The following SLC25A21 variants were observed in gnomAD, a reference collection of about 807,000 sequenced individuals.
The protein encoded by SLC25A21 is mitochondrial 2-oxodicarboxylate carrier.
SLC25A21 carries 47 observed loss-of-function variants against 43.8 expected under a neutral mutation model. The ratio of observed to expected loss-of-function variants is 1.07; its 90% CI spans 0.85 to 1.37. SLC25A21 has a LOEUF of 1.37. Among genes scored for constraint, SLC25A21 ranks in the 40% most tolerant of loss-of-function variants. The pLI, the probability that SLC25A21 is intolerant of heterozygous loss-of-function variation, is 0.00. For synonymous variants in SLC25A21, 131 were observed against 121.3 expected, an observed-to-expected ratio of 1.08 and a Z score of -0.52; for missense variants, 352 against 350.2, an observed-to-expected ratio of 1.00 and a Z score of -0.04.
rs11851700 is a variant in SLC25A21 at position 36,789,916 on chromosome 14, T to C, written c.203+24002A>G. 2.4e-5 allele frequency among the ~76,000 whole-genome samples: 3 copies of C among 123,404 alleles called. No individual in the cohort carries two copies. The East Asian group carries it at 6.2e-4, about 26-fold the overall frequency. The allele number at this position is 123,404 out of a possible 152,430, so 81.0% of individuals were successfully genotyped here. On this transcript the variant is annotated intron_variant, in intron 3 of 9. Transcript: ENST00000331299. ...ATATATTATATATATTTATATATAT[T>C]ATATATTTATATATTATATATAAAT...
chr14:37,006,649 GAACAC>G (rs1960610985), intron 1 of SLC25A21, among the ~76,000 whole-genome samples: 2 of 121,052 alleles, frequency 1.7e-5, no homozygotes, highest in Non-Finnish European at 3.6e-5. Flanking sequence ...CAGAATCCCA[GAACAC>G]CTTAATTTCC....
intron 3 of SLC25A21, among the ~76,000 whole-genome samples, chr14:36,793,491 C>G (rs1757816375): frequency 6.6e-6 from 1 of 150,932 alleles, no homozygotes; most frequent in African/African-American, 2.4e-5. Flanking sequence ...AGAAGCCTCT[C>G]CCATGAGCCT....
At chr14:36,716,307 G>A (rs1884132448) in intron 6 of SLC25A21, among the ~76,000 whole-genome samples, 1 of 152,072 alleles carries the variant, frequency 6.6e-6, no homozygotes, top group African/African-American at 2.4e-5. Context: ...GCGTCAGCAG[G>A]ATGAACAAGC....
intron 1 of SLC25A21, among the ~76,000 whole-genome samples, chr14:36,964,851 T>C (rs1050679704): frequency 1.3e-5 from 2 of 152,194 alleles, no homozygotes; most frequent in African/African-American, 4.8e-5. Context: ...TCGCTTGTGA[T>C]GGGGAGGGTA....
At chr14:36,788,499 C>T (rs755889792) in intron 3 of SLC25A21, 1 of 149,450 alleles carries the variant, frequency 6.7e-6, no homozygotes, top group African/African-American at 2.5e-5. Context: ...TAGCCCACCC[C>T]CTTTACGGAT....
intron 3 of SLC25A21, among the ~76,000 whole-genome samples, chr14:36,782,201 T>C (rs1237829903): frequency 6.6e-6 from 1 of 152,256 alleles, no homozygotes; most frequent in Non-Finnish European, 1.5e-5. Flanking sequence ...TAATGTGTGC[T>C]GGTAAAGTCC....
In SLC25A21 at chr14:36,942,151, T is replaced by TA. The variant is rs539020842; in HGVS notation, c.71-67148dup. 7.1e-4 allele frequency among the ~76,000 whole-genome samples: 105 copies of TA among 147,242 alleles called. No individual in the cohort carries two copies. In the East Asian group the frequency reaches 8.3e-3, roughly 12 times the overall value. On this transcript the variant is annotated intron_variant, in intron 1 of 9. Transcript: ENST00000331299. ...TAACACCGAGCTTAAGAGTTTGAACTAAAAAAAAAAATCACCTAGCTGTTT... is the reference window on the plus strand; with the variant it reads ...TAACACCGAGCTTAAGAGTTTGAACTAAAAAAAAAAAATCACCTAGCTGTTT...
chr14:36,689,666 T>C (rs897863793), intron 7 of SLC25A21, among the ~76,000 whole-genome samples: 4 of 152,290 alleles, frequency 2.6e-5, no homozygotes, highest in South Asian at 2.1e-4. Flanking sequence ...ACTCTGTGAT[T>C]CTCAAAGTGT....
intron 4 of SLC25A21, among the ~76,000 whole-genome samples, chr14:36,732,312 G>A (rs1275368969): frequency 6.6e-6 from 1 of 151,846 alleles, no homozygotes; most frequent in Non-Finnish European, 1.5e-5. Context: ...TGTGAATTTA[G>A]TTAGCATAAG....
At chr14:37,013,007 C>A (rs1027858527) in intron 1 of SLC25A21, among the ~76,000 whole-genome samples, 2 of 152,138 alleles carry the variant, frequency 1.3e-5, no homozygotes, top group Admixed American at 1.3e-4. Context: ...TGGTGGATTG[C>A]GCAGCTCAGA....
intron 1 of SLC25A21, among the ~76,000 whole-genome samples, chr14:37,090,998 G>A (rs1399308847): frequency 6.6e-6 from 1 of 152,106 alleles, no homozygotes; most frequent in African/African-American, 2.4e-5. Context: ...TTTTATGTGT[G>A]TTTCTGTTTA....
intron 1 of SLC25A21, among the ~76,000 whole-genome samples, chr14:36,988,536 A>G (rs991739548): frequency 1.3e-5 from 2 of 152,204 alleles, no homozygotes; most frequent in African/African-American, 4.8e-5. Flanking sequence ...TTATTTCACG[A>G]TATTTCAACT....
intron 2 of SLC25A21, among the ~76,000 whole-genome samples, chr14:36,864,631 C>T (rs2138537598): frequency 6.6e-6 from 1 of 152,284 alleles, no homozygotes; most frequent in East Asian, 1.9e-4. Context: ...TTTGGGGATC[C>T]TGTAACCATT....
At chr14:36,737,523 C>T (rs989594457) in intron 3 of SLC25A21, among the ~76,000 whole-genome samples, 1 of 152,092 alleles carries the variant, frequency 6.6e-6, no homozygotes, top group Non-Finnish European at 1.5e-5. Context: ...TCTCAAAGAC[C>T]ACAGGCAGCC....
Position 37,172,361 on chromosome 14 carries a change from CG to C in SLC25A21, c.-12del. 3 of 1,592,536 alleles carry C rather than the reference CG, an allele frequency of 1.9e-6. No individual in the cohort carries two copies. Among genetic ancestry groups the C allele is most frequent in the Non-Finnish European group, 2.6e-6 (3 of 1,169,486 alleles). The stretch of plus-strand genomic sequence containing the variant: ...AGGCTTGGCGGACATCTTCGCCAGG[CG>C]GGAGGACAAGGGAGTGGGCTGAGAT... On this transcript the variant is annotated 5_prime_UTR_variant, in exon 1 of 10. Transcript: ENST00000331299.
intron 3 of SLC25A21, among the ~76,000 whole-genome samples, chr14:36,750,663 A>T (rs1199681881): frequency 6.6e-6 from 1 of 151,856 alleles, no homozygotes; most frequent in East Asian, 1.9e-4. Context: ...AAGTTTGAAA[A>T]TTTGTATTTT....
chr14:36,770,750 T>A (rs1272020131), intron 3 of SLC25A21, among the ~76,000 whole-genome samples: 1 of 152,218 alleles, frequency 6.6e-6, no homozygotes, highest in East Asian at 1.9e-4. Context: ...TTAGGTTACC[T>A]TTACTGGGAG....
Position 37,099,395 on chromosome 14 carries a change from T to C in SLC25A21, c.70+72886A>G, listed in dbSNP as rs377400528. ...GAAATTTAATCCATATGCTTCTGAG[T>C]AATTTGTACTTAACACATCAAAATA... On this transcript the variant is annotated intron_variant, in intron 1 of 9. Transcript: ENST00000331299. Among the ~76,000 whole-genome samples the C allele has an allele frequency of 3.9e-5, 6 of 152,266 alleles. No individual in the cohort carries two copies. The East Asian group carries it at 9.7e-4, about 25-fold the overall frequency.
chr14:36,889,193 G>T (rs544470018), intron 1 of SLC25A21, among the ~76,000 whole-genome samples: 1 of 152,090 alleles, frequency 6.6e-6, no homozygotes, highest in Non-Finnish European at 1.5e-5. Flanking sequence ...AGAGGGAGAA[G>T]GTTGACTCCA....
Sources: allele counts gnomAD v4.1 joint callset (sites outside exome capture counted in the v4.1 genomes callset), GRCh38; gene constraint gnomAD v4.1.1; transcripts MANE v1.5; gene names NCBI Gene and HGNC (gene_info 2026-07-23, HGNC 2026-07-21).